IGFL2: variants seen among roughly 807,000 people sequenced by gnomAD.
IGFL2 encodes IGF like family member 2.
A neutral mutation model predicts 13.9 loss-of-function variants in IGFL2; 7 were observed. That is an observed-to-expected ratio of 0.51 (90% confidence interval 0.29 to 0.95). IGFL2 has a LOEUF of 0.95. IGFL2 is among the 40% of genes least tolerant of loss of function. The pLI is 0.08. For synonymous variants in IGFL2, 55 were observed against 55.8 expected (o/e 0.99, Z 0.07); for missense variants, 138 against 147.8 (o/e 0.93, Z 0.34).
chr19:46,104,128 C>T, the IGFL2 span, among the ~76,000 whole-genome samples: 1 of 152,160 alleles, frequency 6.6e-6, no homozygotes, highest in Admixed American at 6.5e-5. Flanking sequence ...AATTTCCTGT[C>T]TAGCCTGCTG....
At chr19:46,154,453 G>GTT (rs1261321556) in intron 1 of IGFL2, among the ~76,000 whole-genome samples, 4 of 151,938 alleles carry the variant, frequency 2.6e-5, no homozygotes, top group Admixed American at 6.6e-5. Flanking sequence ...GTTTTGTTTT[G>GTT]TTTTGTTTTT....
chr19:46,108,060 G>A, the IGFL2 span, among the ~76,000 whole-genome samples: 2 of 152,142 alleles, frequency 1.3e-5, no homozygotes, highest in African/African-American at 4.8e-5. Context: ...GTGTGAGGAG[G>A]GGAGGTGATA....
At chr19:46,191,508 A>G in the IGFL2 span, among the ~76,000 whole-genome samples, 1 of 152,176 alleles carries the variant, frequency 6.6e-6, no homozygotes, top group Non-Finnish European at 1.5e-5. Context: ...CAGAGTGGAT[A>G]GGTGCATCCT....
chr19:46,186,763 T>C, the IGFL2 span, among the ~76,000 whole-genome samples: 3 of 152,228 alleles, frequency 2.0e-5, no homozygotes, highest in African/African-American at 7.2e-5. Context: ...GTCTCTTTTC[T>C]ACCCTTCCCT....
chr19:46,091,701 T>C, the IGFL2 span, among the ~76,000 whole-genome samples: 1 of 152,208 alleles, frequency 6.6e-6, no homozygotes, highest in Admixed American at 6.5e-5. Context: ...TTGTTGCTGA[T>C]ATACAGAAGC....
chr19:46,088,714 A>G, the IGFL2 span, among the ~76,000 whole-genome samples: 2 of 152,218 alleles, frequency 1.3e-5, no homozygotes, highest in African/African-American at 2.4e-5. Flanking sequence ...TTACAAAACA[A>G]TGTGAGAAGA....
At chr19:46,214,806 C>T in the IGFL2 span, 1 of 152,118 alleles carries the variant, frequency 6.6e-6, no homozygotes, top group Non-Finnish European at 1.5e-5. Flanking sequence ...TGGAGTGGAT[C>T]TTATGTAGTA....
the IGFL2 span, among the ~76,000 whole-genome samples, chr19:46,108,010 C>T: frequency 7.3e-5 from 11 of 151,386 alleles, no homozygotes; most frequent in African/African-American, 2.2e-4. Context: ...GGGCAGGTGG[C>T]GGAGGGCTAG....
downstream of IGFL2, among the ~76,000 whole-genome samples, chr19:46,163,714 G>A (rs192580764): frequency 4.7e-3 from 711 of 152,320 alleles, 23 homozygotes; most frequent in Admixed American, 0.043. Context: ...GGCAGGGGGT[G>A]GCTGGAGGCC....
chr19:46,100,069 G>A, the IGFL2 span, among the ~76,000 whole-genome samples: 3 of 152,156 alleles, frequency 2.0e-5, no homozygotes, highest in East Asian at 5.8e-4. Flanking sequence ...GGTTAAACAT[G>A]CTCCTTTAGC....
At chr19:46,202,324 TGTTAA>T in the IGFL2 span, among the ~76,000 whole-genome samples, 2 of 152,220 alleles carry the variant, frequency 1.3e-5, no homozygotes, top group African/African-American at 4.8e-5. Context: ...TTAGAACAAT[TGTTAA>T]GTTTGTATTG....
At chr19:46,129,424 C>T in the IGFL2 span, among the ~76,000 whole-genome samples, 1 of 150,854 alleles carries the variant, frequency 6.6e-6, no homozygotes, top group South Asian at 2.1e-4. Flanking sequence ...TTTGTTTGCT[C>T]TGGGTTCTCT....
At chr19:46,144,136 A>G (rs749250881), upstream of IGFL2, among the ~76,000 whole-genome samples, 4 of 152,272 alleles carry the variant, frequency 2.6e-5, no homozygotes, top group African/African-American at 9.6e-5. Context: ...GCAACCACTC[A>G]GTTCTGCCAT....
At chr19:46,097,166 A>C in the IGFL2 span, among the ~76,000 whole-genome samples, 4 of 152,034 alleles carry the variant, frequency 2.6e-5, no homozygotes, top group African/African-American at 9.7e-5. Context: ...TGGTTGGTAG[A>C]CTATTTATTA....
At chr19:46,180,585 A>T in the IGFL2 span, 2 of 152,258 alleles carry the variant, frequency 1.3e-5, no homozygotes, top group Non-Finnish European at 2.9e-5. Context: ...AAGGGAGTTT[A>T]TTAAGGAGAA....
chr19:46,098,726 G>C, the IGFL2 span, among the ~76,000 whole-genome samples: 2 of 152,068 alleles, frequency 1.3e-5, no homozygotes, highest in Non-Finnish European at 2.9e-5. Flanking sequence ...TGATCCACCC[G>C]CCTCGGCCTC....
chr19:46,124,778 T>C, the IGFL2 span: 1 of 782,016 alleles, frequency 1.3e-6, no homozygotes, highest in Non-Finnish European at 2.3e-6. Flanking sequence ...TCATGCCACC[T>C]GCAGTCTCCC....
chr19:46,103,801 A>C, the IGFL2 span, among the ~76,000 whole-genome samples: 1 of 152,152 alleles, frequency 6.6e-6, no homozygotes, highest in Non-Finnish European at 1.5e-5. Context: ...TTAGGCTTAT[A>C]AGGGTTACTA....
chr19:46,085,278 A>T, the IGFL2 span, among the ~76,000 whole-genome samples: 1 of 152,140 alleles, frequency 6.6e-6, no homozygotes, highest in Non-Finnish European at 1.5e-5. Context: ...AAACAAAAAA[A>T]CTTAAAGCTC....
Sources: allele counts gnomAD v4.1 joint callset (sites outside exome capture counted in the v4.1 genomes callset), GRCh38; gene constraint gnomAD v4.1.1; transcripts MANE v1.5; gene names NCBI Gene and HGNC (gene_info 2026-07-23, HGNC 2026-07-21).